DOK6: variants seen among roughly 807,000 people sequenced by gnomAD.
DOK6 encodes the protein docking protein 6.
A neutral mutation model predicts 44.0 loss-of-function variants in DOK6; 22 were observed. The observed-to-expected ratio is 0.50, with a 90% CI of 0.36 to 0.71. DOK6 has a LOEUF of 0.71. DOK6 is among the 30% of genes least tolerant of loss of function. The pLI is 0.00. For missense variants in DOK6, 340 were observed against 416.4 expected (o/e 0.82, Z 1.60); for synonymous variants, 166 against 145.5 (o/e 1.14, Z -1.01).
chr18:69,587,772 C>CACACACAT (rs923993969), intron 2 of DOK6, among the ~76,000 whole-genome samples: 6 of 151,398 alleles, frequency 4.0e-5, no homozygotes, highest in Non-Finnish European at 8.8e-5. Context: ...TAAATTTAAA[C>CACACACAT]ACACACACAC....
chr18:69,796,383 C>T (rs1447461337), intron 7 of DOK6, among the ~76,000 whole-genome samples: 1 of 152,126 alleles, frequency 6.6e-6, no homozygotes, highest in Non-Finnish European at 1.5e-5. Context: ...TTCTAATTAA[C>T]TTCTTATTAA....
chr18:69,831,820 T>G (rs1398603024), intron 7 of DOK6, among the ~76,000 whole-genome samples: 2 of 152,214 alleles, frequency 1.3e-5, no homozygotes, highest in Non-Finnish European at 2.9e-5. Flanking sequence ...AGATACAGTT[T>G]ATAGAAAAGA....
At chr18:69,420,840 A>C (rs1978472161) in intron 1 of DOK6, among the ~76,000 whole-genome samples, 1 of 152,176 alleles carries the variant, frequency 6.6e-6, no homozygotes, top group Non-Finnish European at 1.5e-5. Context: ...AGACTAGGAC[A>C]TGATACCCTT....
intron 1 of DOK6, among the ~76,000 whole-genome samples, chr18:69,545,404 A>T (rs1982376725): frequency 6.6e-6 from 1 of 150,562 alleles, no homozygotes; most frequent in Admixed American, 6.6e-5. Context: ...GCTGTTTAGG[A>T]AACTTCATTT....
At chr18:69,834,047 G>A (rs1190784728) in intron 7 of DOK6, among the ~76,000 whole-genome samples, 5 of 152,124 alleles carry the variant, frequency 3.3e-5, no homozygotes, top group Admixed American at 3.3e-4. Flanking sequence ...CAAAAGAAAG[G>A]AAATTAGTAT....
intron 3 of DOK6, among the ~76,000 whole-genome samples, chr18:69,676,443 T>C (rs1985924480): frequency 6.6e-6 from 1 of 152,144 alleles, no homozygotes. Context: ...CCAGTGTTGG[T>C]ATTTAGATCC....
At chr18:69,409,663 T>G (rs544630309) in intron 1 of DOK6, among the ~76,000 whole-genome samples, 2 of 152,306 alleles carry the variant, frequency 1.3e-5, no homozygotes, top group African/African-American at 4.8e-5. Flanking sequence ...GGTCTTTACT[T>G]GGAAAAATAG....
At chr18:69,605,726 A>G (rs1298611094) in intron 3 of DOK6, among the ~76,000 whole-genome samples, 1 of 152,184 alleles carries the variant, frequency 6.6e-6, no homozygotes, top group Non-Finnish European at 1.5e-5. Flanking sequence ...AATAAAAAAT[A>G]GATGGGAACT....
intron 7 of DOK6, among the ~76,000 whole-genome samples, chr18:69,792,349 A>G (rs1387986169): frequency 6.6e-6 from 1 of 152,146 alleles, no homozygotes; most frequent in Admixed American, 6.6e-5. Context: ...GGAAATTTTA[A>G]CAATATGGAT....
At chr18:69,568,527 G>T (rs1599197550) in intron 2 of DOK6, among the ~76,000 whole-genome samples, 1 of 152,170 alleles carries the variant, frequency 6.6e-6, no homozygotes, top group Middle Eastern at 3.2e-3. Flanking sequence ...TAGGCTGGGG[G>T]CAGATGTAGT....
chr18:69,764,715 T>A (rs1217577051), intron 7 of DOK6, among the ~76,000 whole-genome samples: 4 of 152,226 alleles, frequency 2.6e-5, no homozygotes, highest in South Asian at 2.1e-4. Context: ...CTAATACATA[T>A]GATAATCCCT....
chr18:69,800,398 C>T (rs921196597), intron 7 of DOK6, among the ~76,000 whole-genome samples: 10 of 152,090 alleles, frequency 6.6e-5, no homozygotes, highest in Non-Finnish European at 1.3e-4. Context: ...ATCACTTATG[C>T]TAGAGAAATT....
At chr18:69,798,830 T>G (rs192142520) in intron 7 of DOK6, among the ~76,000 whole-genome samples, 1 of 151,908 alleles carries the variant, frequency 6.6e-6, no homozygotes, top group East Asian at 1.9e-4. Flanking sequence ...CACTTCATGA[T>G]CTGTTCTTTA....
chr18:69,544,095 A>AC (rs547563858), intron 1 of DOK6, among the ~76,000 whole-genome samples: 4 of 64,418 alleles, frequency 6.2e-5, no homozygotes, highest in African/African-American at 1.6e-4. Context: ...TGTCTCTACT[A>AC]AAAAAAAAAA....
intron 1 of DOK6, among the ~76,000 whole-genome samples, chr18:69,462,211 C>A (rs572269407): frequency 6.6e-6 from 1 of 152,238 alleles, no homozygotes; most frequent in African/African-American, 2.4e-5. Context: ...TTCCCTCTAT[C>A]ATAAGGTTTA....
At chr18:69,611,043 G>A (rs1984126542) in intron 3 of DOK6, among the ~76,000 whole-genome samples, 1 of 151,440 alleles carries the variant, frequency 6.6e-6, no homozygotes, top group Non-Finnish European at 1.5e-5. Flanking sequence ...GACAAAAAAG[G>A]CAACCAAAAA....
intron 3 of DOK6, among the ~76,000 whole-genome samples, chr18:69,604,639 G>T (rs1983953101): frequency 6.6e-6 from 1 of 151,982 alleles, no homozygotes; most frequent in Middle Eastern, 3.4e-3. Context: ...TTTTTTAATT[G>T]TCTCAACCTT....
At chr18:69,833,258 C>T (rs1036770921) in intron 7 of DOK6, among the ~76,000 whole-genome samples, 4 of 152,104 alleles carry the variant, frequency 2.6e-5, no homozygotes, top group South Asian at 2.1e-4. Flanking sequence ...CATAAATCCA[C>T]GTGCTTACAG....
At chr18:69,622,994 A>C (rs1984477988) in intron 3 of DOK6, among the ~76,000 whole-genome samples, 2 of 152,170 alleles carry the variant, frequency 1.3e-5, no homozygotes, top group South Asian at 4.1e-4. Context: ...TCCCCACCCA[A>C]ATCTCATGTA....
Sources: gnomAD v4.1 joint callset for allele counts (sites outside exome capture counted in the v4.1 genomes callset) on GRCh38, gnomAD v4.1.1 for gene constraint, MANE v1.5 for transcripts, NCBI Gene and HGNC (gene_info 2026-07-23, HGNC 2026-07-21) for gene names.